WDR36: variants seen among roughly 807,000 people sequenced by gnomAD.
WDR36 encodes the protein WD repeat domain 36, also known as WD repeat-containing protein 36.
WDR36 carries 63 observed loss-of-function variants against 112.7 expected under a neutral mutation model. The ratio of observed to expected loss-of-function variants is 0.56; its 90% confidence interval spans 0.46 to 0.69. The LOEUF (loss-of-function observed/expected upper bound fraction) is 0.69, where lower values mean the gene tolerates loss of function less well. Among genes scored for constraint, WDR36 ranks in the 30% least tolerant of loss-of-function variants. The pLI is 0.00. For missense variants in WDR36, 1,226 were observed against 1,070.3 expected (o/e 1.15, Z -2.03); for synonymous variants, 410 against 362.2 (o/e 1.13, Z -1.50).
Position 111,092,520 on chromosome 5 carries a change from C to A in WDR36, c.64C>A (p.Leu22Ile). 4 of 1,614,218 alleles carry A rather than the reference C, an allele frequency of 2.5e-6. No homozygotes were observed. The highest frequency in any genetic ancestry group is 3.4e-6 in the Non-Finnish European group (4 of 1,180,030). The change falls in exon 1 of 23, where the codon CTT becomes ATT. Residue 22 changes from leucine (L) to isoleucine (I), a missense_variant. Coordinates refer to ENST00000513710, the MANE Select transcript of WDR36 (RefSeq NM_139281.3). ...ALFAGFRALG[L>I]FSNDIPHVVR... ...TTTTGCGGGGTTCCGGGCCTTGGGA[C>A]TTTTCAGCAACGACATTCCACACGT...
chr5:111,099,463 G>GTTTTTTT (rs67437234), intron 4 of WDR36, among the ~76,000 whole-genome samples: 6 of 84,964 alleles, frequency 7.1e-5, no homozygotes, highest in East Asian at 3.5e-4. Context: ...TTTTTTTTTT[G>GTTTTTTT]TTTTTTTTTT....
intron 6 of WDR36, 77 bp from the exon 7 acceptor site, chr5:111,103,709 A>C: frequency 1.3e-6 from 2 of 1,562,730 alleles, no homozygotes; most frequent in Non-Finnish European, 1.8e-6. Flanking sequence ...GATAACACCT[A>C]ATAATGATGC....
intron 16 of WDR36, among the ~76,000 whole-genome samples, chr5:111,117,695 A>G (rs1361034758): frequency 6.6e-6 from 1 of 152,162 alleles, no homozygotes; most frequent in African/African-American, 2.4e-5. Context: ...AGTGCTGAGG[A>G]TACTTCCTCA....
chr5:111,104,157 G>A lies in WDR36; in HGVS notation c.731-20G>A, dbSNP rs975721670. The A allele has an allele frequency of 8.1e-6, 13 of 1,598,674 alleles. No individual in the cohort carries two copies. In the Admixed American group the frequency reaches 1.2e-4, roughly 15 times the overall value. On this transcript the variant is annotated intron_variant, in intron 7 of 22. Coordinates refer to ENST00000513710, the MANE Select transcript of WDR36 (RefSeq NM_139281.3). ...GGGATCTAGAAGTATTTTTCTTAAT[G>A]TATTTTATTTTAATAACAGATGGTC...
intron 21 of WDR36, among the ~76,000 whole-genome samples, chr5:111,124,534 T>C (rs1377109150): frequency 6.6e-6 from 1 of 152,156 alleles, no homozygotes; most frequent in African/African-American, 2.4e-5. Flanking sequence ...TAGCAAGTAA[T>C]TTGCAAGTCT....
chr5:111,123,654 T>C, intron 19 of WDR36, 151 bp from the exon 20 acceptor site: 1 of 1,065,658 alleles, frequency 9.4e-7, no homozygotes, highest in Non-Finnish European at 1.3e-6. Flanking sequence ...GTGGTATTGG[T>C]CAGAAGAGAT....
intron 16 of WDR36, among the ~76,000 whole-genome samples, chr5:111,116,808 C>T (rs1459245380): frequency 6.6e-6 from 1 of 152,132 alleles, no homozygotes; most frequent in Non-Finnish European, 1.5e-5. Flanking sequence ...TGAAGTTACA[C>T]AATGAAGTTG....
chr5:111,124,206 G>A lies in WDR36; in HGVS notation c.2350+17G>A. The A allele has an allele frequency of 6.3e-7, 1 of 1,584,734 alleles. No homozygotes were observed. Among genetic ancestry groups the A allele is most frequent in the Non-Finnish European group, 8.6e-7 (1 of 1,156,750 alleles). On this transcript the variant is annotated intron_variant, in intron 21 of 22. Transcript: ENST00000513710. ...ATAATAAGTGTAAGTTGAATTATAA[G>A]ATATTTTAACTAATATATTTAGCTT...
At chr5:111,117,833 A>G (rs1281103290) in intron 16 of WDR36, among the ~76,000 whole-genome samples, 3 of 152,182 alleles carry the variant, frequency 2.0e-5, no homozygotes, top group African/African-American at 7.2e-5. Context: ...CTGTAATTAA[A>G]AACCAGTATA....
chr5:111,120,588 C>A lies in WDR36; in HGVS notation c.1997C>A (p.Thr666Asn), dbSNP rs1323025514. 2 of 1,609,828 alleles carry A rather than the reference C, an allele frequency of 1.2e-6. No individual in the cohort carries two copies. Among genetic ancestry groups the A allele is most frequent in the African/African-American group, 2.7e-5 (2 of 74,740 alleles). Reference sequence around the variant, plus strand: ...GTCATGCTTCCTGGTACTTGTCAAACCCAAGGTAATTAGAAAATTGCAAAG... The same window carrying A: ...GTCATGCTTCCTGGTACTTGTCAAAACCAAGGTAATTAGAAAATTGCAAAG... ...SIVMLPGTCQ[T>N]QDVEVSEETV... Residue 666 changes from threonine (T) to asparagine (N), a missense_variant, in exon 18 of 23, where the codon ACC becomes AAC. Coordinates refer to ENST00000513710, the MANE Select transcript of WDR36 (RefSeq NM_139281.3).
rs889060449 is a variant in WDR36 at position 111,100,798 on chromosome 5, C to T, written c.542+77C>T. The T allele has an allele frequency of 1.1e-5, 15 of 1,413,838 alleles. No individual in the cohort carries two copies. The Admixed American group carries it at 2.0e-4, about 19-fold the overall frequency. The allele number at this position is 1,413,838 out of a possible 1,614,324, so 87.6% of individuals were successfully genotyped here. A position where few individuals can be genotyped will look rare whatever the true frequency, so the allele number is the denominator to read the frequency against. ...TACTTCCTAATGTATACTTAAGTCT[C>T]ATTTCTCCCTGCCCTTGTATATTTA... is the stretch of plus-strand genomic sequence containing the variant. On this transcript the variant is annotated intron_variant, in intron 5 of 22. Coordinates refer to ENST00000513710, the MANE Select transcript of WDR36 (RefSeq NM_139281.3).
intron 16 of WDR36, 147 bp downstream of exon 16, chr5:111,113,300 T>C: frequency 2.5e-6 from 1 of 401,098 alleles, no homozygotes; most frequent in Admixed American, 3.2e-5. Context: ...TATTGTATCC[T>C]TGGAGTGTTT....
chr5:111,124,738 C>G (rs1456199501), intron 21 of WDR36, among the ~76,000 whole-genome samples: 1 of 152,126 alleles, frequency 6.6e-6, no homozygotes, highest in Non-Finnish European at 1.5e-5. Context: ...TAGTCACTCT[C>G]CTAATAATTT....
Position 111,125,636 on chromosome 5 carries a change from A to T in WDR36, c.2379A>T (p.Glu793Asp). 6.2e-7 allele frequency: 1 copy of T among 1,613,748 alleles called. No homozygotes were observed. Residue 793 changes from glutamate (E) to aspartate (D), a missense_variant, in exon 22 of 23, where the codon GAA becomes GAT. Coordinates refer to ENST00000513710, the MANE Select transcript of WDR36 (RefSeq NM_139281.3). The part of the protein sequence containing the change: ...KYDTALNLLK[E>D]SGPSGIETEL... ...ACACTGCTCTCAACCTTCTGAAAGA[A>T]TCAGGCCCATCAGGAATTGAAACAG...
At chr5:111,106,445 C>T (rs546576172) in intron 11 of WDR36, among the ~76,000 whole-genome samples, 1 of 151,450 alleles carries the variant, frequency 6.6e-6, no homozygotes, top group African/African-American at 2.4e-5. Flanking sequence ...GTAAAAAGAA[C>T]TGGAACAGCA....
At chr5:111,118,322 C>G (rs1396317496) in intron 16 of WDR36, among the ~76,000 whole-genome samples, 1 of 152,134 alleles carries the variant, frequency 6.6e-6, no homozygotes, top group Non-Finnish European at 1.5e-5. Context: ...TTGTAAAGCT[C>G]CTCTCAAACA....
At chr5:111,104,024 T>C in intron 7 of WDR36, 106 bp downstream of exon 7, 2 of 1,468,194 alleles carry the variant, frequency 1.4e-6, no homozygotes, top group Middle Eastern at 2.4e-4. Context: ...TAGAAGTGAA[T>C]GAATACTGGA....
intron 12 of WDR36, 124 bp downstream of exon 12, chr5:111,107,563 C>T: frequency 7.6e-7 from 1 of 1,321,166 alleles, no homozygotes; most frequent in Non-Finnish European, 1.0e-6. Flanking sequence ...TAAAGCATTG[C>T]ATAACCCAAA....
rs1753761954 is a variant in WDR36, at chr5:111,130,132, A to AT, written c.*3252dup. 1 of 209,174 alleles carries AT rather than the reference A, an allele frequency of 4.8e-6. No homozygotes were observed. The highest frequency in any genetic ancestry group is 9.7e-6 in the Non-Finnish European group (1 of 102,680). The allele number at this position is 209,174 out of a possible 1,614,324, so 13.0% of individuals were successfully genotyped here. ...GAAGTTTTGATATGGGTTGCACAAC[A>AT]TTTATAGGACTGATTTGGAGAGACC... On this transcript the variant is annotated 3_prime_UTR_variant, in exon 23 of 23. Transcript: ENST00000513710.
Sources: allele counts gnomAD v4.1 joint callset (sites outside exome capture counted in the v4.1 genomes callset), GRCh38; gene constraint gnomAD v4.1.1; transcripts MANE v1.5; gene names NCBI Gene and HGNC (gene_info 2026-07-23, HGNC 2026-07-21).